The following GALNT13 variants were observed in gnomAD, a reference collection of about 807,000 sequenced individuals.
GALNT13 encodes the protein polypeptide N-acetylgalactosaminyltransferase 13, also known as UDP-GalNAc:polypeptide N-acetylgalactosaminyltransferase 13.
A neutral mutation model predicts 64.2 loss-of-function variants in GALNT13; 28 were observed. The observed-to-expected ratio is 0.44, with a 90% CI of 0.32 to 0.60. The LOEUF (loss-of-function observed/expected upper bound fraction) is 0.60, where lower values mean the gene tolerates loss of function less well. Ranked by LOEUF, GALNT13 falls within the 20% of genes least tolerant of loss-of-function variation. GALNT13 has a pLI of 0.05. For missense variants in GALNT13, 577 were observed against 669.8 expected (o/e 0.86, Z 1.53); for synonymous variants, 214 against 224.6 (o/e 0.95, Z 0.42).
chr2:153,751,443 A>G, the GALNT13 span, among the ~76,000 whole-genome samples: 13 of 151,560 alleles, frequency 8.6e-5, no homozygotes, highest in South Asian at 2.1e-4. Context: ...GTCTCCAACT[A>G]TTATTGTACT....
the GALNT13 span, among the ~76,000 whole-genome samples, chr2:153,590,488 G>C: frequency 1.3e-5 from 2 of 152,048 alleles, no homozygotes; most frequent in African/African-American, 4.8e-5. Flanking sequence ...AATGAGGCCA[G>C]TATTACACTG....
intron 2 of GALNT13, among the ~76,000 whole-genome samples, chr2:153,916,497 A>G (rs1689357330): frequency 7.3e-6 from 1 of 136,996 alleles, no homozygotes; most frequent in East Asian, 2.4e-4. Context: ...GTGAGTTAAA[A>G]TGCACAGGTT....
the GALNT13 span, among the ~76,000 whole-genome samples, chr2:153,274,153 A>C: frequency 6.6e-6 from 1 of 152,156 alleles, no homozygotes; most frequent in African/African-American, 2.4e-5. Context: ...CAGTGAGCCG[A>C]GATGGTGCCA....
intron 9 of GALNT13, among the ~76,000 whole-genome samples, chr2:154,334,470 A>C (rs1695333411): frequency 6.6e-6 from 1 of 152,096 alleles, no homozygotes; most frequent in South Asian, 2.1e-4. Context: ...AATATGATGG[A>C]GAGAGCAATG....
At chr2:153,716,441 C>A in the GALNT13 span, among the ~76,000 whole-genome samples, 6 of 151,996 alleles carry the variant, frequency 3.9e-5, no homozygotes, top group African/African-American at 1.5e-4. Context: ...TCCAGTGTGG[C>A]CCAGGGAAAC....
At chr2:153,760,607 A>G in the GALNT13 span, among the ~76,000 whole-genome samples, 1 of 152,062 alleles carries the variant, frequency 6.6e-6, no homozygotes, top group Non-Finnish European at 1.5e-5. Flanking sequence ...AATATTTGAT[A>G]TGTTTTCAAT....
chr2:153,316,322 A>G, the GALNT13 span, among the ~76,000 whole-genome samples: 2 of 152,038 alleles, frequency 1.3e-5, no homozygotes, highest in African/African-American at 4.8e-5. Flanking sequence ...TATCCAACAG[A>G]AATAATAATT....
intron 9 of GALNT13, among the ~76,000 whole-genome samples, chr2:154,380,834 G>A (rs1698235027): frequency 6.6e-6 from 1 of 151,950 alleles, no homozygotes; most frequent in Non-Finnish European, 1.5e-5. Flanking sequence ...CTCAACTGGG[G>A]AAGAATCTGC....
chr2:153,171,993 A>G, the GALNT13 span: 1 of 152,268 alleles, frequency 6.6e-6, no homozygotes. Flanking sequence ...GAAGAAGGTT[A>G]TAACATGATG....
At chr2:153,711,859 A>T in the GALNT13 span, among the ~76,000 whole-genome samples, 7 of 152,204 alleles carry the variant, frequency 4.6e-5, no homozygotes, top group Admixed American at 4.6e-4. Flanking sequence ...CATCACCTTT[A>T]TTCACATTTT....
At chr2:153,999,048 A>G (rs951277177) in intron 3 of GALNT13, among the ~76,000 whole-genome samples, 2 of 152,156 alleles carry the variant, frequency 1.3e-5, no homozygotes, top group Admixed American at 6.6e-5. Context: ...AGAAAAAACT[A>G]CTTTAAATTT....
At chr2:153,215,144 T>A in the GALNT13 span, among the ~76,000 whole-genome samples, 1 of 152,116 alleles carries the variant, frequency 6.6e-6, no homozygotes, top group Non-Finnish European at 1.5e-5. Context: ...ATTAATTGAT[T>A]CATATAATTT....
chr2:153,222,327 T>TGGGGGG, the GALNT13 span, among the ~76,000 whole-genome samples: 2 of 95,582 alleles, frequency 2.1e-5, no homozygotes, highest in South Asian at 4.4e-4. Context: ...GGGGGGGGGG[T>TGGGGGG]GGGGTGGGGG....
At chr2:153,978,007 A>G (rs371990501) in intron 3 of GALNT13, among the ~76,000 whole-genome samples, 2 of 152,172 alleles carry the variant, frequency 1.3e-5, no homozygotes, top group Non-Finnish European at 2.9e-5. Context: ...TGAGGATGCT[A>G]TTCATGCCTC....
At chr2:153,680,190 T>C in the GALNT13 span, among the ~76,000 whole-genome samples, 40 of 151,918 alleles carry the variant, frequency 2.6e-4, no homozygotes, top group Non-Finnish European at 5.0e-4. Context: ...AAGAGAAATT[T>C]TAAAAATGAG....
chr2:153,137,653 G>A, the GALNT13 span, among the ~76,000 whole-genome samples: 2 of 150,130 alleles, frequency 1.3e-5, no homozygotes, highest in Non-Finnish European at 1.5e-5. Context: ...TACTTTATTC[G>A]ATAAGTATTG....
rs186907780 is a variant in GALNT13, at chr2:154,428,726, G to A, written c.1396-9866G>A. The stretch of plus-strand genomic sequence containing the variant: ...CAAACTTTGGTAATTCTCCCAATAT[G>A]TTAAACTTTTTCATCATTATTTTAT... On this transcript the variant is annotated intron_variant, in intron 11 of 12. Transcript: ENST00000392825. Among the ~76,000 whole-genome samples, 345 of 150,094 alleles carry A rather than the reference G, an allele frequency of 2.3e-3. 1 individual carries two copies. The highest frequency in any genetic ancestry group is 7.4e-3 in the African/African-American group (303 of 40,926).
At chr2:153,829,414 T>A in the GALNT13 span, among the ~76,000 whole-genome samples, 15 of 152,174 alleles carry the variant, frequency 9.9e-5, no homozygotes, top group African/African-American at 3.1e-4. Flanking sequence ...CTTACATAGA[T>A]GGCAGCAGGC....
At chr2:153,181,031 T>TTTC in the GALNT13 span, among the ~76,000 whole-genome samples, 10 of 17,180 alleles carry the variant, frequency 5.8e-4, no homozygotes, top group African/African-American at 1.5e-3. Flanking sequence ...TTATTGTTTC[T>TTTC]TTTTTTTTTT....
Sources: gnomAD v4.1 joint callset for allele counts (sites outside exome capture counted in the v4.1 genomes callset) on GRCh38, gnomAD v4.1.1 for gene constraint, MANE v1.5 for transcripts, NCBI Gene and HGNC (gene_info 2026-07-23, HGNC 2026-07-21) for gene names.